MTUS2: variants seen among roughly 807,000 people sequenced by gnomAD.
MTUS2 encodes microtubule-associated tumor suppressor candidate 2.
A neutral mutation model predicts 114.1 loss-of-function variants in MTUS2; 40 were observed. That is an observed-to-expected ratio of 0.35 (90% confidence interval 0.27 to 0.46). The LOEUF is 0.46. Among genes scored for constraint, MTUS2 ranks in the 20% least tolerant of loss-of-function variants. The pLI is 1.00. For missense variants in MTUS2, 1,679 were observed against 1,705.4 expected (o/e 0.98, Z 0.27); for synonymous variants, 688 against 672.0 (o/e 1.02, Z -0.37).
At chr13:29,131,036 G>C (rs1415023789) in intron 5 of MTUS2, among the ~76,000 whole-genome samples, 1 of 152,184 alleles carries the variant, frequency 6.6e-6, no homozygotes, top group Non-Finnish European at 1.5e-5. Flanking sequence ...CTTCAGCTGT[G>C]TATGGCACTC....
intron 5 of MTUS2, among the ~76,000 whole-genome samples, chr13:29,234,636 A>T (rs191569376): frequency 0.013 from 1,997 of 152,304 alleles, 12 homozygotes; most frequent in Non-Finnish European, 0.021. Context: ...TTTCTGATTT[A>T]TAATGCTGTT....
chr13:29,183,253 TGA>T lies in MTUS2; in HGVS notation c.2644+82303_2644+82304del, dbSNP rs60832110. On this transcript the variant is annotated intron_variant, in intron 5 of 15. Coordinates refer to ENST00000612955, the MANE Select transcript of MTUS2 (RefSeq NM_001033602.4). ...ATGTCCTGATGATTGGATGTTGGGG[TGA>T]GAGAGAGAGAGAGAGAGAGTCAAGG... Among the ~76,000 whole-genome samples, 424 of 146,446 alleles carry T rather than the reference TGA, an allele frequency of 2.9e-3. 3 individuals are homozygous for T. Among genetic ancestry groups the T allele is most frequent in the African/African-American group, 5.5e-3 (220 of 40,094 alleles).
At chr13:29,018,508 C>G (rs992772040) in intron 2 of MTUS2, among the ~76,000 whole-genome samples, 3 of 152,210 alleles carry the variant, frequency 2.0e-5, no homozygotes, top group Non-Finnish European at 4.4e-5. Flanking sequence ...GGCCCAGTGG[C>G]TCATGCCTGT....
chr13:29,025,703 C>T lies in MTUS2; in HGVS notation c.1005C>T (p.His335=), dbSNP rs1566302756. Residue 335 remains histidine, a synonymous_variant, in exon 3 of 16, where the codon CAC becomes CAT. Coordinates refer to ENST00000612955, the MANE Select transcript of MTUS2 (RefSeq NM_001033602.4). The part of the protein sequence containing the change: ...KAAQEGYLGC[H]KEENLSALEG... ...CCCAGGAAGGGTATCTGGGATGCCA[C>T]AAGGAAGAGAATCTGTCAGCCTTGG... The T allele has an allele frequency of 4.3e-6, 7 of 1,613,902 alleles. No individual in the cohort carries two copies. Among genetic ancestry groups the T allele is most frequent in the Non-Finnish European group, 5.9e-6 (7 of 1,179,882 alleles).
At chr13:29,028,312 C>G (rs143111532) in intron 3 of MTUS2, among the ~76,000 whole-genome samples, 1 of 152,180 alleles carries the variant, frequency 6.6e-6, no homozygotes, top group Non-Finnish European at 1.5e-5. Context: ...GACCACGCCA[C>G]TGCACTTCAG....
At chr13:29,010,103 C>G (rs965483272) in intron 2 of MTUS2, among the ~76,000 whole-genome samples, 49 of 151,250 alleles carry the variant, frequency 3.2e-4, no homozygotes, top group Admixed American at 2.9e-3. Flanking sequence ...CCCAGCTACT[C>G]AGGAGGCTGA....
intron 2 of MTUS2, among the ~76,000 whole-genome samples, chr13:28,842,165 G>T (rs1228507966): frequency 6.6e-6 from 1 of 151,672 alleles, no homozygotes; most frequent in Non-Finnish European, 1.5e-5. Context: ...CCTCTCCTCT[G>T]CTCCCCCAAC....
chr13:29,185,640 A>T (rs1894192586), intron 5 of MTUS2, among the ~76,000 whole-genome samples: 1 of 152,226 alleles, frequency 6.6e-6, no homozygotes, highest in Admixed American at 6.5e-5. Flanking sequence ...ATTCATATTC[A>T]AAGTGCTCAA....
intron 6 of MTUS2, among the ~76,000 whole-genome samples, chr13:29,297,256 C>A (rs1177585800): frequency 6.6e-6 from 1 of 152,048 alleles, no homozygotes; most frequent in Non-Finnish European, 1.5e-5. Context: ...ATTCTGTTGA[C>A]AATTGAAAGG....
intron 9 of MTUS2, among the ~76,000 whole-genome samples, chr13:29,475,480 G>A (rs1399073897): frequency 6.6e-6 from 1 of 152,170 alleles, no homozygotes. Context: ...TACTGCCGAA[G>A]AAGGCATTGT....
chr13:28,990,866 C>G (rs1884815109), intron 2 of MTUS2, among the ~76,000 whole-genome samples: 1 of 152,040 alleles, frequency 6.6e-6, no homozygotes, highest in African/African-American at 2.4e-5. Context: ...CTGCGAGGGT[C>G]TGCGGCTTCA....
At chr13:29,198,457 G>A (rs1486271591) in intron 5 of MTUS2, among the ~76,000 whole-genome samples, 4 of 152,164 alleles carry the variant, frequency 2.6e-5, no homozygotes, top group Admixed American at 6.5e-5. Flanking sequence ...GTACCATGCT[G>A]TTTTGGTTAC....
intron 8 of MTUS2, among the ~76,000 whole-genome samples, chr13:29,371,228 C>CTG (rs1341738947): frequency 2.7e-5 from 4 of 147,748 alleles, no homozygotes; most frequent in African/African-American, 1.0e-4. Flanking sequence ...ACCCCCCCCC[C>CTG]CTTTTTTGAG....
intron 2 of MTUS2, among the ~76,000 whole-genome samples, chr13:28,860,522 A>C (rs905755921): frequency 6.6e-6 from 1 of 152,224 alleles, no homozygotes; most frequent in Non-Finnish European, 1.5e-5. Flanking sequence ...GAAGGGGGCT[A>C]TCTGGCCTTC....
At chr13:29,122,028 C>G (rs904989485) in intron 5 of MTUS2, among the ~76,000 whole-genome samples, 2 of 152,120 alleles carry the variant, frequency 1.3e-5, no homozygotes, top group African/African-American at 4.8e-5. Flanking sequence ...ATTGAGGTTC[C>G]TTGTAGGCTA....
At chr13:29,038,659 G>A (rs1392305714) in intron 4 of MTUS2, among the ~76,000 whole-genome samples, 3 of 152,228 alleles carry the variant, frequency 2.0e-5, no homozygotes, top group Non-Finnish European at 2.9e-5. Context: ...CATCCCCCAG[G>A]GTGCCCTGTC....
At chr13:29,195,798 T>C (rs1341167873) in intron 5 of MTUS2, among the ~76,000 whole-genome samples, 1 of 152,070 alleles carries the variant, frequency 6.6e-6, no homozygotes, top group African/African-American at 2.4e-5. Flanking sequence ...AAAACCAGTG[T>C]GATGTGTGCA....
chr13:29,362,084 T>C (rs1209785594), intron 8 of MTUS2, among the ~76,000 whole-genome samples: 6 of 152,228 alleles, frequency 3.9e-5, no homozygotes, highest in Non-Finnish European at 8.8e-5. Flanking sequence ...GAATCTCAGT[T>C]TTCTCCATTT....
intron 2 of MTUS2, among the ~76,000 whole-genome samples, chr13:28,894,304 G>GAGA (rs1566203662): frequency 0.022 from 131 of 6,080 alleles, 4 homozygotes; most frequent in South Asian, 0.056. Context: ...GAGAGAGAGA[G>GAGA]GGGGGGGGGG....
Sources: allele counts gnomAD v4.1 joint callset (sites outside exome capture counted in the v4.1 genomes callset), GRCh38; gene constraint gnomAD v4.1.1; transcripts MANE v1.5; gene names NCBI Gene and HGNC (gene_info 2026-07-23, HGNC 2026-07-21).